RB1: variants seen among roughly 807,000 people sequenced by gnomAD.
RB1 encodes the protein retinoblastoma-associated protein.
Under a neutral mutation model 135.4 loss-of-function variants are expected in RB1, and 18 were observed. The ratio of observed to expected loss-of-function variants is 0.13; its 90% CI spans 0.09 to 0.20. The LOEUF (loss-of-function observed/expected upper bound fraction) is 0.20, where lower values mean the gene tolerates loss of function less well. RB1 is among the 10% of genes least tolerant of loss of function. The pLI is 1.00. For synonymous variants in RB1, 365 were observed against 373.2 expected (o/e 0.98, Z 0.25); for missense variants, 868 against 1,110.0 (o/e 0.78, Z 3.10).
chr13:48,385,913 G>A (rs1948567678), intron 17 of RB1, among the ~76,000 whole-genome samples: 2 of 151,886 alleles, frequency 1.3e-5, no homozygotes, highest in African/African-American at 2.4e-5. Context: ...CTGGTTTATA[G>A]AATAGGAGCT....
At chr13:48,456,545 G>A (rs769038354) in intron 19 of RB1, among the ~76,000 whole-genome samples, 196 bp downstream of exon 19, 14 of 149,938 alleles carry the variant, frequency 9.3e-5, no homozygotes, top group Non-Finnish European at 4.4e-5. Flanking sequence ...TTTTCTGGCC[G>A]GAAACCTCTG....
intron 2 of RB1, among the ~76,000 whole-genome samples, chr13:48,337,689 A>G (rs1952397735): frequency 6.6e-6 from 1 of 152,112 alleles, no homozygotes; most frequent in African/African-American, 2.4e-5. Flanking sequence ...ATTTAAGGTT[A>G]ATATTGTTAT....
At chr13:48,335,422 G>T (rs1952374878) in intron 2 of RB1, among the ~76,000 whole-genome samples, 1 of 151,934 alleles carries the variant, frequency 6.6e-6, no homozygotes, top group South Asian at 2.1e-4. Flanking sequence ...CATATGAAAT[G>T]CCCTGATGCA....
intron 2 of RB1, among the ~76,000 whole-genome samples, chr13:48,340,626 T>C (rs1484382206): frequency 6.7e-6 from 1 of 149,872 alleles, no homozygotes; most frequent in Non-Finnish European, 1.5e-5. Flanking sequence ...GGACATATAT[T>C]GAGAGCAGTT....
intron 26 of RB1, among the ~76,000 whole-genome samples, chr13:48,478,598 A>C (rs949794384): frequency 2.0e-5 from 3 of 152,198 alleles, no homozygotes; most frequent in Non-Finnish European, 4.4e-5. Flanking sequence ...TACATTTCCC[A>C]GTGACACACT....
intron 17 of RB1, among the ~76,000 whole-genome samples, chr13:48,421,979 A>G (rs1353521405): frequency 6.6e-6 from 1 of 152,218 alleles, no homozygotes; most frequent in African/African-American, 2.4e-5. Flanking sequence ...AGGATCTAGA[A>G]CCAGAAATAC....
chr13:48,356,253 T>C (rs981276371), intron 6 of RB1, among the ~76,000 whole-genome samples: 1 of 152,032 alleles, frequency 6.6e-6, no homozygotes, highest in African/African-American at 2.4e-5. Flanking sequence ...TCTTCATATA[T>C]ACATTTTGAT....
chr13:48,401,491 C>T (rs1948691356), intron 17 of RB1: 1 of 152,140 alleles, frequency 6.6e-6, no homozygotes, highest in South Asian at 2.1e-4. Context: ...CTTCAATCAT[C>T]TAAGCTTACT....
At chr13:48,348,850 T>C in intron 5 of RB1, 106 bp from the exon 6 acceptor site, 2 of 1,356,056 alleles carry the variant, frequency 1.5e-6, no homozygotes, top group Non-Finnish European at 2.0e-6. Context: ...CTAAGGTCAT[T>C]TTTTTTTTAA....
Position 48,368,514 on chromosome 13 carries a change from T to G in RB1, c.1050-13T>G. 4 of 1,612,918 alleles carry G rather than the reference T, an allele frequency of 2.5e-6. No homozygotes were observed. The highest frequency in any genetic ancestry group is 3.4e-6 in the Non-Finnish European group (4 of 1,179,494). On this transcript the variant is annotated splice_polypyrimidine_tract_variant and intron_variant, in intron 10 of 26. Transcript: ENST00000267163. Reference sequence around the variant, plus strand: ...TTTTCAGTATGTGAATGACTTCACTTATTGTTATTTAGTTTTGAAACACAG... The same window carrying G: ...TTTTCAGTATGTGAATGACTTCACTGATTGTTATTTAGTTTTGAAACACAG...
intron 11 of RB1, among the ~76,000 whole-genome samples, chr13:48,371,308 T>A (rs150511772): frequency 6.6e-6 from 1 of 152,270 alleles, no homozygotes; most frequent in Non-Finnish European, 1.5e-5. Context: ...AATAGACCTG[T>A]CAGTCTGTCT....
At chr13:48,330,607 A>T (rs1300829294) in intron 2 of RB1, among the ~76,000 whole-genome samples, 1 of 152,202 alleles carries the variant, frequency 6.6e-6, no homozygotes, top group African/African-American at 2.4e-5. Flanking sequence ...ACTGAATAGC[A>T]GAAGAAATAG....
intron 1 of RB1, 136 bp downstream of exon 1, chr13:48,304,185 C>T: frequency 1.0e-6 from 1 of 983,348 alleles, no homozygotes; most frequent in African/African-American, 1.7e-5. Context: ...CCCTCCCTGC[C>T]CCCCGCCACG....
chr13:48,314,779 C>CAAA (rs35589400), intron 2 of RB1, among the ~76,000 whole-genome samples: 4 of 144,908 alleles, frequency 2.8e-5, no homozygotes, highest in South Asian at 4.3e-4. Flanking sequence ...CCAGCCTGGG[C>CAAA]AAAAAAAAAA....
At chr13:48,420,790 G>T (rs2138240762) in intron 17 of RB1, among the ~76,000 whole-genome samples, 1 of 152,224 alleles carries the variant, frequency 6.6e-6, no homozygotes, top group Admixed American at 6.5e-5. Flanking sequence ...ATTCACAAAT[G>T]CTACAAAGAG....
At position 48,311,768 on chromosome 13, in the gene RB1, C is replaced by T. The variant is rs1261827070; in HGVS notation, c.264+4362C>T. On this transcript the variant is annotated intron_variant, in intron 2 of 26. Transcript: ENST00000267163. ...GTCACCCAGGCTGGAGTGCGTGGCA[C>T]GATCTCGGCTCACTGCAACCTCTGC... Among the ~76,000 whole-genome samples the T allele has an allele frequency of 2.4e-4, 37 of 152,152 alleles. 1 individual carries two copies. Among genetic ancestry groups the T allele is most frequent in the South Asian group, 2.1e-4 (1 of 4,836 alleles).
At chr13:48,324,437 T>C (rs1297830466) in intron 2 of RB1, among the ~76,000 whole-genome samples, 1 of 152,056 alleles carries the variant, frequency 6.6e-6, no homozygotes, top group African/African-American at 2.4e-5. Flanking sequence ...CAATATTTTT[T>C]TTTTTTTTTA....
chr13:48,412,223 A>G, intron 17 of RB1: 1 of 1,614,012 alleles, frequency 6.2e-7, no homozygotes, highest in South Asian at 1.1e-5. Flanking sequence ...GTAAAGTAAA[A>G]ACAAAAAGCA....
At chr13:48,406,283 A>G (rs1262058848) in intron 17 of RB1, among the ~76,000 whole-genome samples, 1 of 152,164 alleles carries the variant, frequency 6.6e-6, no homozygotes, top group African/African-American at 2.4e-5. Flanking sequence ...CCAGAAATGT[A>G]TGAAGGTAGC....
Sources: allele counts gnomAD v4.1 joint callset (sites outside exome capture counted in the v4.1 genomes callset), GRCh38; gene constraint gnomAD v4.1.1; transcripts MANE v1.5; gene names NCBI Gene and HGNC (gene_info 2026-07-23, HGNC 2026-07-21).